The following SLC9C1 variants were observed in gnomAD, a reference collection of about 807,000 sequenced individuals.
SLC9C1 encodes the protein sodium/hydrogen exchanger 10.
SLC9C1 carries 97 observed loss-of-function variants against 140.9 expected under a neutral mutation model. The ratio of observed to expected loss-of-function variants is 0.69; its 90% confidence interval spans 0.58 to 0.82. The LOEUF is 0.82. SLC9C1 is among the 40% of genes least tolerant of loss of function. The pLI is 0.00. For missense variants in SLC9C1, 1,340 were observed against 1,389.3 expected, an observed-to-expected ratio of 0.96 and a Z score of 0.56; for synonymous variants, 440 against 442.6, an observed-to-expected ratio of 0.99 and a Z score of 0.07.
chr3:112,209,361 T>C (rs1576346182), intron 15 of SLC9C1, among the ~76,000 whole-genome samples: 1 of 152,200 alleles, frequency 6.6e-6, no homozygotes, highest in Non-Finnish European at 1.5e-5. Context: ...CTGTCCTCTC[T>C]CCAGTCTGCT....
chr3:112,274,613 A>G (rs1273884953), intron 6 of SLC9C1, among the ~76,000 whole-genome samples: 3 of 152,172 alleles, frequency 2.0e-5, no homozygotes, highest in Admixed American at 2.0e-4. Context: ...CATAAAAAAG[A>G]ATATCCCTCA....
chr3:112,175,362 G>A (rs373627912), intron 23 of SLC9C1, among the ~76,000 whole-genome samples: 4 of 152,064 alleles, frequency 2.6e-5, no homozygotes, highest in East Asian at 1.9e-4. Flanking sequence ...TTGCCAGCCC[G>A]AACACACCTG....
intron 20 of SLC9C1, among the ~76,000 whole-genome samples, chr3:112,188,858 A>G (rs2077591167): frequency 6.6e-6 from 1 of 152,182 alleles, no homozygotes; most frequent in South Asian, 2.1e-4. Flanking sequence ...CAACAGTGTA[A>G]AAGTGTTGCT....
intron 26 of SLC9C1, among the ~76,000 whole-genome samples, chr3:112,165,315 G>C (rs1405400919): frequency 7.9e-5 from 12 of 152,176 alleles, no homozygotes; most frequent in Admixed American, 7.8e-4. Flanking sequence ...TTGCTGGTGA[G>C]GAGCTGCATT....
intron 6 of SLC9C1, among the ~76,000 whole-genome samples, chr3:112,273,269 G>T (rs2080124710): frequency 6.6e-6 from 1 of 151,914 alleles, no homozygotes; most frequent in Admixed American, 6.6e-5. Flanking sequence ...GTGCCATATT[G>T]TGTCACCTCC....
chr3:112,271,581 T>C (rs1392454480), intron 6 of SLC9C1, among the ~76,000 whole-genome samples: 2 of 152,056 alleles, frequency 1.3e-5, no homozygotes, highest in Admixed American at 6.6e-5. Flanking sequence ...TTGTAAAATT[T>C]GGTCAGTTTA....
Position 112,150,809 on chromosome 3 carries a change from TAAA to T in SLC9C1, c.3524+1045_3524+1047del, listed in dbSNP as rs2074942428. On this transcript the variant is annotated intron_variant, in intron 28 of 28. Coordinates refer to ENST00000305815, the MANE Select transcript of SLC9C1 (RefSeq NM_183061.3). ...ATACATATACATATATATATATATA[TAAA>T]TACATATACATATATATATATATAT... Among the ~76,000 whole-genome samples the T allele has an allele frequency of 1.1e-3, 112 of 98,840 alleles. 2 individuals are homozygous for T. Among genetic ancestry groups the T allele is most frequent in the African/African-American group, 2.4e-3 (76 of 31,102 alleles). 64.8% of individuals were successfully genotyped at this position (98,840 alleles called of 152,430 possible). A position where few individuals can be genotyped will look rare whatever the true frequency, so the allele number is the denominator to read the frequency against.
chr3:112,199,269 G>T, intron 20 of SLC9C1, 52 bp downstream of exon 20: 1 of 1,380,384 alleles, frequency 7.2e-7, no homozygotes, highest in Non-Finnish European at 9.7e-7. Context: ...TGAAGGTCAT[G>T]AATGATTATG....
intron 10 of SLC9C1, among the ~76,000 whole-genome samples, chr3:112,257,382 C>T (rs1301189832): frequency 1.3e-5 from 2 of 151,950 alleles, no homozygotes; most frequent in African/African-American, 2.4e-5. Flanking sequence ...AGAGAGGGCC[C>T]AGAAATAAGG....
intron 22 of SLC9C1, among the ~76,000 whole-genome samples, chr3:112,180,030 G>C (rs1484030960): frequency 6.6e-6 from 1 of 152,074 alleles, no homozygotes; most frequent in Non-Finnish European, 1.5e-5. Flanking sequence ...TCTTTTGAAA[G>C]TTTCCTGTTA....
intron 20 of SLC9C1, among the ~76,000 whole-genome samples, chr3:112,188,008 A>T (rs577008697): frequency 6.6e-6 from 1 of 152,114 alleles, no homozygotes; most frequent in Admixed American, 6.5e-5. Flanking sequence ...GTTTCCATAT[A>T]TGTTTCCACA....
chr3:112,195,173 A>G (rs762313822), intron 20 of SLC9C1, among the ~76,000 whole-genome samples: 4 of 152,130 alleles, frequency 2.6e-5, no homozygotes, highest in Non-Finnish European at 5.9e-5. Context: ...CACGTGCCTT[A>G]AGCATCATTT....
chr3:112,246,845 AG>A (rs1398887650), intron 10 of SLC9C1, among the ~76,000 whole-genome samples: 1 of 152,180 alleles, frequency 6.6e-6, no homozygotes, highest in Non-Finnish European at 1.5e-5. Flanking sequence ...GCAGAAGAAA[AG>A]CTTGCCAAAA....
intron 13 of SLC9C1, among the ~76,000 whole-genome samples, chr3:112,227,385 A>G (rs1027546505): frequency 3.3e-5 from 5 of 152,306 alleles, no homozygotes; most frequent in Admixed American, 1.3e-4. Flanking sequence ...CAAAAAGATT[A>G]TACACTATGA....
At chr3:112,154,260 T>C (rs904032284) in intron 27 of SLC9C1, among the ~76,000 whole-genome samples, 13 of 152,260 alleles carry the variant, frequency 8.5e-5, no homozygotes, top group Non-Finnish European at 1.9e-4. Context: ...TATAAACAAC[T>C]TGGCAGAGAC....
intron 7 of SLC9C1, among the ~76,000 whole-genome samples, chr3:112,267,600 G>A (rs67531056): frequency 0.27 from 29,615 of 110,130 alleles, 4,484 homozygotes; most frequent in East Asian, 0.39. Context: ...AAAAAAAAGA[G>A]AGAGAGAGAG....
At chr3:112,279,024 C>A in intron 3 of SLC9C1, 167 bp from the exon 4 acceptor site, 2 of 573,888 alleles carry the variant, frequency 3.5e-6, no homozygotes, top group Non-Finnish European at 5.6e-6. Flanking sequence ...AATAATTGGC[C>A]ATGGCTTATG....
intron 27 of SLC9C1, 138 bp from the exon 28 acceptor site, chr3:112,152,101 A>G: frequency 3.1e-6 from 2 of 649,076 alleles, no homozygotes; most frequent in Non-Finnish European, 2.4e-6. Context: ...GAAAAAGTAT[A>G]GAGGAAGAAA....
At chr3:112,264,999 T>C (rs1462078798) in intron 8 of SLC9C1, among the ~76,000 whole-genome samples, 2 of 151,912 alleles carry the variant, frequency 1.3e-5, no homozygotes, top group Non-Finnish European at 2.9e-5. Context: ...AGAGTCACAG[T>C]GAGACAGGAA....
Sources: gnomAD v4.1 joint callset for allele counts (sites outside exome capture counted in the v4.1 genomes callset) on GRCh38, gnomAD v4.1.1 for gene constraint, MANE v1.5 for transcripts, NCBI Gene and HGNC (gene_info 2026-07-23, HGNC 2026-07-21) for gene names.